ATXN10: variants seen among roughly 807,000 people sequenced by gnomAD.
The protein encoded by ATXN10 is ataxin 10.
ATXN10 carries 28 observed loss-of-function variants against 52.9 expected under a neutral mutation model. The ratio of observed to expected loss-of-function variants is 0.53; its 90% CI spans 0.39 to 0.73. The LOEUF (loss-of-function observed/expected upper bound fraction) is 0.73. ATXN10 is among the 30% of genes least tolerant of loss of function. The probability of loss-of-function intolerance (pLI) is 0.00; values close to 1 mark genes in which losing one functional copy is unlikely to be tolerated. For synonymous variants in ATXN10, 226 were observed against 221.5 expected, an observed-to-expected ratio of 1.02 and a Z score of -0.18; for missense variants, 565 against 577.0, an observed-to-expected ratio of 0.98 and a Z score of 0.21.
rs1172127487 is a variant in ATXN10 at position 45,823,849 on chromosome 22, G to A, written c.1237+16827G>A. On this transcript the variant is annotated intron_variant, in intron 10 of 11. Transcript: ENST00000252934. The surrounding 1 kb of genome is among the most constrained non-coding windows in gnomAD (Gnocchi z 4.9). Reference sequence around the variant, plus strand: ...GTGCTCCCATGAAGGTTTCAGTATGGTAGGTGGGCACACCCCCTGCTAGGC... The same window carrying A: ...GTGCTCCCATGAAGGTTTCAGTATGATAGGTGGGCACACCCCCTGCTAGGC... Among the ~76,000 whole-genome samples, 1 of 152,160 alleles carries A rather than the reference G, an allele frequency of 6.6e-6. No individual in the cohort carries two copies. The highest frequency in any genetic ancestry group is 2.4e-5 in the African/African-American group (1 of 41,444).
intron 3 of ATXN10, among the ~76,000 whole-genome samples, chr22:45,695,646 G>A (rs9626191): frequency 0.87 from 132,156 of 151,796 alleles, 57,838 homozygotes; most frequent in African/African-American, 0.96. Flanking sequence ...GGCGCCTGCC[G>A]CCGCACTCGG....
chr22:45,745,387 A>G (rs1410098888), intron 9 of ATXN10, among the ~76,000 whole-genome samples: 1 of 152,192 alleles, frequency 6.6e-6, no homozygotes, highest in Admixed American at 6.5e-5. Context: ...GATGGGCCAT[A>G]TATCCGTTCT....
At chr22:45,752,883 G>A (rs561657813) in intron 9 of ATXN10, among the ~76,000 whole-genome samples, 11 of 151,908 alleles carry the variant, frequency 7.2e-5, no homozygotes, top group South Asian at 6.2e-4. Context: ...ACAGGCATGC[G>A]CCACCATGCC....
At chr22:45,680,018 T>A (rs1398501826) in intron 1 of ATXN10, 1 of 152,220 alleles carries the variant, frequency 6.6e-6, no homozygotes, top group Non-Finnish European at 1.5e-5. Flanking sequence ...TCTTTTGTAG[T>A]GGTCACTGGA....
At position 45,805,077 on chromosome 22, in the gene ATXN10, G is replaced by A. The variant is rs1052900451; in HGVS notation, c.1174-1882G>A. On this transcript the variant is annotated intron_variant, in intron 9 of 11. Transcript: ENST00000252934. This position sits in a 1 kb window ranked among gnomAD's most constrained non-coding sequence, Gnocchi z 4.4. Reference sequence around the variant, plus strand: ...TTTATGTAAGCAACCCCCATTCGTGGAGACTTGAGTTGTTTCATAATAAGT... The same window carrying A: ...TTTATGTAAGCAACCCCCATTCGTGAAGACTTGAGTTGTTTCATAATAAGT... Among the ~76,000 whole-genome samples the A allele has an allele frequency of 6.6e-6, 1 of 152,146 alleles. No individual in the cohort carries two copies. The highest frequency in any genetic ancestry group is 1.5e-5 in the Non-Finnish European group (1 of 68,026).
intron 1 of ATXN10, among the ~76,000 whole-genome samples, chr22:45,687,134 C>T (rs924812549): frequency 1.3e-5 from 2 of 152,138 alleles, no homozygotes; most frequent in Non-Finnish European, 2.9e-5. Flanking sequence ...CAGTTAAATG[C>T]TTTTCATTTG....
In ATXN10 at chr22:45,684,776, G is replaced by A. The variant is rs973564249; in HGVS notation, c.117-4936G>A. 2.0e-5 allele frequency among the ~76,000 whole-genome samples: 3 copies of A among 152,178 alleles called. No homozygotes were observed. Among genetic ancestry groups the A allele is most frequent in the African/African-American group, 4.8e-5 (2 of 41,442 alleles). On this transcript the variant is annotated intron_variant, in intron 1 of 11. Transcript: ENST00000252934. This position sits in a 1 kb window ranked among gnomAD's most constrained non-coding sequence, Gnocchi z 4.1. ...ATGTGACAGAAGAGGAGAGAAGAGT[G>A]TGAAAAGAAGTTTTGAGTTCTGCGC...
chr22:45,703,652 G>A (rs1174596073), intron 5 of ATXN10, among the ~76,000 whole-genome samples: 1 of 152,166 alleles, frequency 6.6e-6, no homozygotes, highest in Non-Finnish European at 1.5e-5. Context: ...TACTTATATA[G>A]ACAGAGAAAA....
At chr22:45,815,737 A>AT (rs1388480804) in intron 10 of ATXN10, among the ~76,000 whole-genome samples, 1 of 152,074 alleles carries the variant, frequency 6.6e-6, no homozygotes. Context: ...CTGGCTTGTG[A>AT]TGGGACCAGG....
In ATXN10 at chr22:45,694,269, T is replaced by TA. The variant is rs200168945; in HGVS notation, c.391+1201dup. On this transcript the variant is annotated intron_variant, in intron 3 of 11. Transcript: ENST00000252934. The stretch of plus-strand genomic sequence containing the variant: ...GTGGTTATTATCTTAACATAATGTT[T>TA]AAAAAAAAAACGTAGATTTTTAATT... Among the ~76,000 whole-genome samples the TA allele has an allele frequency of 2.7e-3, 408 of 149,522 alleles. 3 individuals carry two copies. Among genetic ancestry groups the TA allele is most frequent in the African/African-American group, 8.7e-3 (357 of 40,832 alleles).
chr22:45,782,194 T>C (rs1039205515), intron 9 of ATXN10, among the ~76,000 whole-genome samples: 1 of 152,230 alleles, frequency 6.6e-6, no homozygotes, highest in African/African-American at 2.4e-5. Context: ...AGTCTTTTAT[T>C]CTTCATGACT....
rs760151269 is a variant in ATXN10, at chr22:45,732,535, A to T, written c.894+2945A>T. On this transcript the variant is annotated intron_variant, in intron 7 of 11. Coordinates refer to ENST00000252934, the MANE Select transcript of ATXN10 (RefSeq NM_013236.4). This position sits in a 1 kb window ranked among gnomAD's most constrained non-coding sequence, Gnocchi z 4.5. ...TACTTTTGGAAGTTTATTGAGCTAT[A>T]CATTTATGACTTGTGCGTATTAATG... Among the ~76,000 whole-genome samples, 1 of 152,074 alleles carries T rather than the reference A, an allele frequency of 6.6e-6. No individual in the cohort carries two copies. The highest frequency in any genetic ancestry group is 2.4e-5 in the African/African-American group (1 of 41,418).
At chr22:45,811,529 T>C (rs976007464) in intron 10 of ATXN10, among the ~76,000 whole-genome samples, 26 of 152,254 alleles carry the variant, frequency 1.7e-4, no homozygotes, top group Non-Finnish European at 3.4e-4. Flanking sequence ...CATTGTATTA[T>C]AGGCACCTAC....
intron 9 of ATXN10, among the ~76,000 whole-genome samples, chr22:45,782,612 G>T (rs931979185): frequency 6.6e-6 from 1 of 152,132 alleles, no homozygotes; most frequent in Non-Finnish European, 1.5e-5. Context: ...CCTCTAGTAG[G>T]GGTTATCAAC....
chr22:45,700,791 TTATG>T (rs1456395291), intron 4 of ATXN10, among the ~76,000 whole-genome samples: 2 of 152,196 alleles, frequency 1.3e-5, no homozygotes, highest in Non-Finnish European at 2.9e-5. Flanking sequence ...TTAAAATTGT[TTATG>T]TATTGAATAC....
intron 9 of ATXN10, among the ~76,000 whole-genome samples, chr22:45,768,215 A>G (rs1926654802): frequency 6.6e-6 from 1 of 152,166 alleles, no homozygotes; most frequent in Non-Finnish European, 1.5e-5. Context: ...ATAAGGAACC[A>G]GGGCTCCTTG....
chr22:45,673,815 T>G (rs1922572161), intron 1 of ATXN10: 1 of 152,172 alleles, frequency 6.6e-6, no homozygotes, highest in Non-Finnish European at 1.5e-5. Flanking sequence ...GAGGGAACAG[T>G]GTCTGCAAAG....
At position 45,795,472 on chromosome 22, in the gene ATXN10, G is replaced by C. The variant is rs72556348; in HGVS notation, c.1174-11487G>C. 6.7e-6 allele frequency among the ~76,000 whole-genome samples: 1 copy of C among 149,752 alleles called. No individual in the cohort carries two copies. Among genetic ancestry groups the C allele is most frequent in the East Asian group, 2.0e-4 (1 of 5,102 alleles). Reference sequence around the variant, plus strand: ...GTTGCCCAGGCTGGAGTGCAGTGGCGCGATCTCAGCTCACTGCAACCTCTG... The same window carrying C: ...GTTGCCCAGGCTGGAGTGCAGTGGCCCGATCTCAGCTCACTGCAACCTCTG... On this transcript the variant is annotated intron_variant, in intron 9 of 11. Coordinates refer to ENST00000252934, the MANE Select transcript of ATXN10 (RefSeq NM_013236.4). The surrounding 1 kb of genome is among the most constrained non-coding windows in gnomAD (Gnocchi z 4.6).
At position 45,789,854 on chromosome 22, in the gene ATXN10, T is replaced by G. The variant is rs562195245; in HGVS notation, c.1174-17105T>G. Among the ~76,000 whole-genome samples the G allele has an allele frequency of 1.3e-5, 2 of 152,276 alleles. No homozygotes were observed. Among genetic ancestry groups the G allele is most frequent in the South Asian group, 4.1e-4 (2 of 4,820 alleles). ...TTGGACCGCTGGTGAGGAGTGGATATTTTACCCCCAGAAGACTCTTAAGTG... is the reference window on the plus strand; with the variant it reads ...TTGGACCGCTGGTGAGGAGTGGATAGTTTACCCCCAGAAGACTCTTAAGTG... On this transcript the variant is annotated intron_variant, in intron 9 of 11. Transcript: ENST00000252934. The surrounding 1 kb of genome is among the most constrained non-coding windows in gnomAD (Gnocchi z 4.0).
Sources: allele counts gnomAD v4.1 joint callset (sites outside exome capture counted in the v4.1 genomes callset), GRCh38; gene constraint gnomAD v4.1.1; non-coding constraint Gnocchi (gnomAD v3.1); transcripts MANE v1.5; gene names NCBI Gene and HGNC (gene_info 2026-07-23, HGNC 2026-07-21).